The following POLN variants were observed in gnomAD, a reference collection of about 807,000 sequenced individuals.
POLN encodes DNA polymerase N.
In POLN, 108 loss-of-function variants were observed where a neutral mutation model predicts 113.5. That is an observed-to-expected ratio of 0.95 (90% CI 0.81 to 1.12). The LOEUF is 1.12. Ranked by LOEUF, POLN falls within the 50% of genes most tolerant of loss-of-function variation. The probability of loss-of-function intolerance (pLI) is 0.00; values close to 1 mark genes in which losing one functional copy is unlikely to be tolerated. For missense variants in POLN, 1,097 were observed against 1,077.1 expected, an observed-to-expected ratio of 1.02 and a Z score of -0.26; for synonymous variants, 386 against 391.5, an observed-to-expected ratio of 0.99 and a Z score of 0.17.
chr4:2,132,805 C>A (rs1731758439), intron 16 of POLN, among the ~76,000 whole-genome samples: 1 of 152,202 alleles, frequency 6.6e-6, no homozygotes, highest in Non-Finnish European at 1.5e-5. Flanking sequence ...ACTCTGTCAT[C>A]TGCAGACCTG....
At chr4:2,139,256 G>A (rs1731937525) in intron 16 of POLN, among the ~76,000 whole-genome samples, 1 of 152,208 alleles carries the variant, frequency 6.6e-6, no homozygotes, top group Admixed American at 6.5e-5. Flanking sequence ...TGCCAAGCAG[G>A]GCTGGCCGGA....
At chr4:2,125,568 G>A (rs1374954287) in intron 19 of POLN, among the ~76,000 whole-genome samples, 2 of 152,138 alleles carry the variant, frequency 1.3e-5, no homozygotes, top group South Asian at 2.1e-4. Context: ...TGCAACTTCC[G>A]CCAGCACCTG....
chr4:2,213,835 T>C (rs571402945), intron 3 of POLN, among the ~76,000 whole-genome samples: 1 of 152,192 alleles, frequency 6.6e-6, no homozygotes, highest in East Asian at 1.9e-4. Flanking sequence ...CATTAGGATA[T>C]AGATCACAAA....
chr4:2,212,911 G>C (rs1560095791), intron 4 of POLN, 136 bp downstream of exon 4: 1 of 493,576 alleles, frequency 2.0e-6, no homozygotes, highest in Non-Finnish European at 3.3e-6. Flanking sequence ...ATAAGTTCTT[G>C]GAGAGCAAGA....
chr4:2,182,276 G>T (rs1020907365), intron 7 of POLN, among the ~76,000 whole-genome samples: 2 of 152,172 alleles, frequency 1.3e-5, no homozygotes, highest in Non-Finnish European at 2.9e-5. Flanking sequence ...ATACAATTAT[G>T]GTAGGAATCT....
intron 19 of POLN, among the ~76,000 whole-genome samples, chr4:2,120,551 T>C (rs1403667136): frequency 6.6e-6 from 1 of 152,064 alleles, no homozygotes; most frequent in Non-Finnish European, 1.5e-5. Context: ...TGGAGTGTAG[T>C]GGCGCGATCT....
At chr4:2,110,487 T>C (rs1731164890) in intron 19 of POLN, among the ~76,000 whole-genome samples, 2 of 152,042 alleles carry the variant, frequency 1.3e-5, no homozygotes, top group South Asian at 2.1e-4. Context: ...ATTGATAGAC[T>C]GCTAGCAAGA....
intron 5 of POLN, among the ~76,000 whole-genome samples, chr4:2,203,444 G>A (rs1420092783): frequency 6.6e-6 from 1 of 152,002 alleles, no homozygotes; most frequent in Non-Finnish European, 1.5e-5. Context: ...GCCAGGTGTG[G>A]TGGCTTGCTC....
Position 2,184,250 on chromosome 4 carries a change from T to A in POLN, c.1022-4785A>T, listed in dbSNP as rs576606761. 1.8e-4 allele frequency among the ~76,000 whole-genome samples: 26 copies of A among 140,912 alleles called. No homozygotes were observed. The South Asian group carries it at 5.4e-3, about 29-fold the overall frequency. 92.4% of individuals were successfully genotyped at this position (140,912 alleles called of 152,430 possible). A position where few individuals can be genotyped will look rare whatever the true frequency, so the allele number is the denominator to read the frequency against. ...CACAGTCTAGTAAAACACTAGACTTTAAAAAAAAAAAGGAAAACAAAACAA... is the reference window on the plus strand; with the variant it reads ...CACAGTCTAGTAAAACACTAGACTTAAAAAAAAAAAAGGAAAACAAAACAA... On this transcript the variant is annotated intron_variant, in intron 7 of 25. Transcript: ENST00000511885.
intron 7 of POLN, among the ~76,000 whole-genome samples, chr4:2,191,785 C>T (rs1274192587): frequency 6.6e-6 from 1 of 152,018 alleles, no homozygotes; most frequent in Non-Finnish European, 1.5e-5. Flanking sequence ...TTGGGTTTTG[C>T]TACAAAGGAT....
intron 16 of POLN, among the ~76,000 whole-genome samples, chr4:2,149,907 C>T (rs1488770511): frequency 2.0e-5 from 3 of 152,028 alleles, no homozygotes; most frequent in Non-Finnish European, 4.4e-5. Flanking sequence ...CATAGTGAAA[C>T]CCCGTCTCTA....
intron 3 of POLN, among the ~76,000 whole-genome samples, chr4:2,213,958 G>C (rs557181240): frequency 6.6e-6 from 1 of 152,128 alleles, no homozygotes; most frequent in South Asian, 2.1e-4. Context: ...AGCTTAGGCC[G>C]GGCGTGGTGA....
intron 7 of POLN, among the ~76,000 whole-genome samples, chr4:2,186,170 T>C (rs1253183042): frequency 6.6e-6 from 1 of 152,144 alleles, no homozygotes; most frequent in Non-Finnish European, 1.5e-5. Context: ...GTTACTAAAC[T>C]GAAAAAAGTG....
At chr4:2,137,746 TCTC>T (rs1731895387) in intron 16 of POLN, among the ~76,000 whole-genome samples, 1 of 152,180 alleles carries the variant, frequency 6.6e-6, no homozygotes, top group South Asian at 2.1e-4. Flanking sequence ...CACATTTCAC[TCTC>T]CTCTGTATCG....
At chr4:2,229,543 GGCTGAGC>G (rs1734502013) in intron 2 of POLN, 1 of 187,776 alleles carries the variant, frequency 5.3e-6, no homozygotes, top group African/African-American at 2.4e-5. Flanking sequence ...TCTTCAAATA[GGCTGAGC>G]GCGGAAGCTC....
Position 2,121,714 on chromosome 4 carries a change from G to T in POLN, c.1982+6399C>A, listed in dbSNP as rs529251539. 2.1e-4 allele frequency among the ~76,000 whole-genome samples: 32 copies of T among 151,846 alleles called. No homozygotes were observed. In the Middle Eastern group the frequency reaches 0.01, roughly 48 times the overall value. On this transcript the variant is annotated intron_variant, in intron 19 of 25. Coordinates refer to ENST00000511885, the MANE Select transcript of POLN (RefSeq NM_181808.4). ...CTCCTATTTCATTCCTGATATTGAT[G>T]ATTTACATCATCTATTTTCATTTTT... is the stretch of plus-strand genomic sequence containing the variant.
chr4:2,233,427 T>C (rs543426566), intron 2 of POLN, among the ~76,000 whole-genome samples: 1 of 142,914 alleles, frequency 7.0e-6, no homozygotes, highest in Non-Finnish European at 1.5e-5. Flanking sequence ...TTTTAGTGAT[T>C]CTTGGATGCA....
chr4:2,229,515 T>C (rs987211211), intron 2 of POLN: 1 of 236,760 alleles, frequency 4.2e-6, no homozygotes, highest in Non-Finnish European at 8.1e-6. Context: ...ATCCTGAGGT[T>C]TGAAAAATGT....
rs1731574627 is a variant in POLN at position 2,126,157 on chromosome 4, A to G, written c.1982+1956T>C. On this transcript the variant is annotated intron_variant, in intron 19 of 25. Transcript: ENST00000511885. The surrounding 1 kb of genome is among the most constrained non-coding windows in gnomAD (Gnocchi z 4.6). ...TGTGCTCGTCACATCGACCCGGTAC[A>G]GTGCCTCTTCCTGTGCTGGGCAAAC... Among the ~76,000 whole-genome samples the G allele has an allele frequency of 6.6e-6, 1 of 152,250 alleles. No individual in the cohort carries two copies. The highest frequency in any genetic ancestry group is 6.5e-5 in the Admixed American group (1 of 15,292).
Sources: gnomAD v4.1 joint callset for allele counts (sites outside exome capture counted in the v4.1 genomes callset) on GRCh38, gnomAD v4.1.1 for gene constraint, Gnocchi (gnomAD v3.1) non-coding constraint, MANE v1.5 for transcripts, NCBI Gene and HGNC (gene_info 2026-07-23, HGNC 2026-07-21) for gene names.